CDH2: variants seen among roughly 807,000 people sequenced by gnomAD.
CDH2 encodes cadherin 2.
In CDH2, 17 loss-of-function variants were observed where a neutral mutation model predicts 92.0. The observed-to-expected ratio is 0.18, with a 90% CI of 0.13 to 0.28. The LOEUF (loss-of-function observed/expected upper bound fraction) is 0.28. Ranked by LOEUF, CDH2 falls within the 10% of genes least tolerant of loss-of-function variation. The pLI is 1.00. For synonymous variants in CDH2, 419 were observed against 415.9 expected (o/e 1.01, Z -0.09); for missense variants, 862 against 1,133.1 (o/e 0.76, Z 3.44).
At chr18:28,167,924 TCTTTA>T (rs1408376790) in intron 1 of CDH2, among the ~76,000 whole-genome samples, 2 of 152,142 alleles carry the variant, frequency 1.3e-5, no homozygotes, top group East Asian at 3.8e-4. Flanking sequence ...AACAGACTTT[TCTTTA>T]TTTACTCAAC....
intron 2 of CDH2, among the ~76,000 whole-genome samples, chr18:28,138,951 T>C (rs747529071): frequency 6.6e-6 from 1 of 152,092 alleles, no homozygotes; most frequent in South Asian, 2.1e-4. Flanking sequence ...GACAGTAGTA[T>C]TCTTGCAGAA....
intron 2 of CDH2, among the ~76,000 whole-genome samples, chr18:28,094,489 A>C (rs960577990): frequency 4.0e-5 from 6 of 151,468 alleles, no homozygotes; most frequent in Non-Finnish European, 7.4e-5. Context: ...CTCTGTCCTT[A>C]AAAAAACAAA....
At chr18:27,948,834 T>C (rs1909340233), downstream of CDH2, among the ~76,000 whole-genome samples, 2 of 151,968 alleles carry the variant, frequency 1.3e-5, no homozygotes, top group South Asian at 2.1e-4. Context: ...GGAGTGTACA[T>C]TGGCATAGTT....
intron 2 of CDH2, among the ~76,000 whole-genome samples, chr18:28,083,829 T>G (rs1414033915): frequency 2.6e-5 from 4 of 152,336 alleles, no homozygotes; most frequent in Non-Finnish European, 1.5e-5. Context: ...TGACAATCAC[T>G]GTTCTAATCC....
intron 2 of CDH2, among the ~76,000 whole-genome samples, chr18:28,022,725 A>G (rs1341370898): frequency 6.6e-6 from 1 of 152,146 alleles, no homozygotes; most frequent in East Asian, 1.9e-4. Context: ...ACTTCAAAAT[A>G]ATGAGTTTCA....
intron 1 of CDH2, among the ~76,000 whole-genome samples, chr18:28,153,170 G>C (rs1008612017): frequency 6.6e-6 from 1 of 152,092 alleles, no homozygotes; most frequent in Non-Finnish European, 1.5e-5. Flanking sequence ...AGAAAGAGGG[G>C]GAAGTGGAAA....
intron 2 of CDH2, among the ~76,000 whole-genome samples, chr18:28,053,038 G>C (rs1026797090): frequency 6.6e-6 from 1 of 152,152 alleles, no homozygotes; most frequent in African/African-American, 2.4e-5. Flanking sequence ...TGCACAGAGG[G>C]AGGACCATGT....
intron 11 of CDH2, among the ~76,000 whole-genome samples, chr18:27,987,435 T>C (rs1444666290): frequency 6.6e-6 from 1 of 152,238 alleles, no homozygotes; most frequent in Non-Finnish European, 1.5e-5. Flanking sequence ...AATCTTAGTA[T>C]ACAGATTTAG....
chr18:28,054,587 T>C (rs1028285272), intron 2 of CDH2, among the ~76,000 whole-genome samples: 3 of 152,222 alleles, frequency 2.0e-5, no homozygotes, highest in African/African-American at 7.2e-5. Flanking sequence ...TCTGCCTTTA[T>C]TGTAAACAGC....
At chr18:28,124,466 A>G (rs535293910) in intron 2 of CDH2, among the ~76,000 whole-genome samples, 7 of 152,222 alleles carry the variant, frequency 4.6e-5, no homozygotes, top group Non-Finnish European at 8.8e-5. Context: ...GTTAGCACCC[A>G]TTTTTACACA....
chr18:28,019,737 C>G (rs774676359), intron 2 of CDH2, among the ~76,000 whole-genome samples: 3 of 152,064 alleles, frequency 2.0e-5, no homozygotes, highest in African/African-American at 7.2e-5. Context: ...TCTGTTATTA[C>G]GATTTTCAGA....
intron 1 of CDH2, among the ~76,000 whole-genome samples, chr18:28,165,576 G>A (rs1304185423): frequency 6.6e-6 from 1 of 152,072 alleles, no homozygotes; most frequent in Non-Finnish European, 1.5e-5. Context: ...CCTTATGATA[G>A]ATACTATTTA....
At chr18:28,084,900 A>G (rs1280519115) in intron 2 of CDH2, among the ~76,000 whole-genome samples, 2 of 152,078 alleles carry the variant, frequency 1.3e-5, no homozygotes, top group Non-Finnish European at 2.9e-5. Flanking sequence ...TCCCTCAGAG[A>G]CTATTCTAGA....
At chr18:27,988,259 C>T (rs1186795434) in intron 11 of CDH2, among the ~76,000 whole-genome samples, 2 of 152,090 alleles carry the variant, frequency 1.3e-5, no homozygotes, top group Non-Finnish European at 2.9e-5. Flanking sequence ...TGAGGATGGA[C>T]TTAAGGCATC....
intron 2 of CDH2, among the ~76,000 whole-genome samples, chr18:28,081,427 C>T (rs1359957485): frequency 6.6e-6 from 1 of 152,032 alleles, no homozygotes; most frequent in Non-Finnish European, 1.5e-5. Flanking sequence ...GATAGCTAGA[C>T]AGTAAGAGCA....
chr18:27,960,202 G>C (rs1402718685), intron 15 of CDH2, among the ~76,000 whole-genome samples: 3 of 152,086 alleles, frequency 2.0e-5, no homozygotes, highest in Non-Finnish European at 4.4e-5. Context: ...ATCAGGGGGA[G>C]GCAGGATGGA....
chr18:27,970,538 A>G (rs917564177), intron 14 of CDH2, among the ~76,000 whole-genome samples: 4 of 152,380 alleles, frequency 2.6e-5, no homozygotes, highest in East Asian at 3.9e-4. Context: ...ATGTACACAT[A>G]AAGTAAATAC....
At chr18:28,082,098 G>A (rs113313754) in intron 2 of CDH2, among the ~76,000 whole-genome samples, 205 of 152,222 alleles carry the variant, frequency 1.3e-3, no homozygotes, top group African/African-American at 4.7e-3. Context: ...TTGTTGTAAG[G>A]ATCACAGTCA....
At chr18:27,973,051 C>T (rs886654725) in intron 14 of CDH2, among the ~76,000 whole-genome samples, 1 of 152,160 alleles carries the variant, frequency 6.6e-6, no homozygotes, top group African/African-American at 2.4e-5. Context: ...AGAGAACAAA[C>T]TGAATTGTCA....
Sources: allele counts gnomAD v4.1 joint callset (sites outside exome capture counted in the v4.1 genomes callset), GRCh38; gene constraint gnomAD v4.1.1; transcripts MANE v1.5; gene names NCBI Gene and HGNC (gene_info 2026-07-23, HGNC 2026-07-21).